TSPAN7: variants seen among roughly 807,000 people sequenced by gnomAD.
The protein encoded by TSPAN7 is tetraspanin 7.
A neutral mutation model predicts 17.6 loss-of-function variants in TSPAN7; 1 was observed. The observed-to-expected ratio is 0.06, with a 90% CI of 0.02 to 0.27. The LOEUF (loss-of-function observed/expected upper bound fraction) is 0.27. TSPAN7 is among the 10% of genes least tolerant of loss of function. The pLI, the probability that TSPAN7 is intolerant of heterozygous loss-of-function variation, is 1.00. For missense variants in TSPAN7, 112 were observed against 201.7 expected (o/e 0.56, Z 2.69); for synonymous variants, 78 against 79.0 (o/e 0.99, Z 0.07).
intron 1 of TSPAN7, among the ~76,000 whole-genome samples, chrX:38,653,985 C>T (rs924352483): frequency 2.7e-5 from 3 of 111,760 alleles, no homozygotes; most frequent in African/African-American, 9.8e-5. Flanking sequence ...GCCAAATTCT[C>T]AGGGTTGATT....
chrX:38,665,398 G>T (rs756445781), intron 1 of TSPAN7, among the ~76,000 whole-genome samples: 1 of 111,487 alleles, frequency 9.0e-6, no homozygotes, highest in East Asian at 2.8e-4. Context: ...GGCCTGCAGG[G>T]GGTGGGGTGT....
chrX:38,566,204 C>A, intron 1 of TSPAN7: 1 of 303,033 alleles, frequency 3.3e-6, no homozygotes, highest in Non-Finnish European at 5.0e-6. Context: ...AGGTAGGTAC[C>A]TCTTTATATA....
chrX:38,601,820 C>G lies in TSPAN7; in HGVS notation c.81+40193C>G, dbSNP rs746534788. On this transcript the variant is annotated intron_variant, in intron 1 of 7. Coordinates refer to ENST00000378482, the MANE Select transcript of TSPAN7 (RefSeq NM_004615.4). Reference sequence around the variant, plus strand: ...CCATCTCTGTTCCACATGGTGTCATCTAGCCCTCCTCATGCATTTGGACCT... The same window carrying G: ...CCATCTCTGTTCCACATGGTGTCATGTAGCCCTCCTCATGCATTTGGACCT... 1.9e-4 allele frequency among the ~76,000 whole-genome samples: 21 copies of G among 111,954 alleles called. 1 individual carries two copies. The Admixed American group carries it at 1.9e-3, about 10-fold the overall frequency.
intron 1 of TSPAN7, among the ~76,000 whole-genome samples, chrX:38,562,573 G>A (rs1286998994): frequency 9.4e-6 from 1 of 106,601 alleles, no homozygotes; most frequent in Non-Finnish European, 2.0e-5. Context: ...GGAGGAGGAG[G>A]GGGAGGAGGA....
At chrX:38,646,002 G>A (rs2069643515) in intron 1 of TSPAN7, among the ~76,000 whole-genome samples, 1 of 111,341 alleles carries the variant, frequency 9.0e-6, no homozygotes, top group African/African-American at 3.3e-5. Flanking sequence ...TGTTTTTTGG[G>A]TGCCTGCACA....
At chrX:38,565,118 C>A (rs1219944283) in intron 1 of TSPAN7, among the ~76,000 whole-genome samples, 2 of 112,177 alleles carry the variant, frequency 1.8e-5, no homozygotes, top group African/African-American at 6.5e-5. Flanking sequence ...GTAAATCTTT[C>A]TTCAGCACTT....
chrX:38,647,632 G>A (rs1376351832), intron 1 of TSPAN7, among the ~76,000 whole-genome samples: 2 of 112,258 alleles, frequency 1.8e-5, no homozygotes, highest in Non-Finnish European at 3.8e-5. Context: ...CATTTGTGAA[G>A]TTTCAAGACA....
At chrX:38,617,088 C>G (rs140427306) in intron 1 of TSPAN7, among the ~76,000 whole-genome samples, 1,123 of 111,735 alleles carry the variant, frequency 0.01, 14 homozygotes, top group African/African-American at 0.035. Flanking sequence ...CCACAGTGTC[C>G]GTGGCTGTGT....
At chrX:38,582,819 TTCTTGTG>T (rs1476959405) in intron 1 of TSPAN7, among the ~76,000 whole-genome samples, 1 of 111,930 alleles carries the variant, frequency 8.9e-6, no homozygotes, top group African/African-American at 3.3e-5. Context: ...CACAAATCTT[TTCTTGTG>T]TCTATTGTAT....
intron 1 of TSPAN7, among the ~76,000 whole-genome samples, chrX:38,606,236 C>G (rs1442478779): frequency 9.0e-6 from 1 of 110,939 alleles, no homozygotes; most frequent in African/African-American, 3.3e-5. Flanking sequence ...ACAACCCCAT[C>G]AAAAAGTGGG....
intron 1 of TSPAN7, among the ~76,000 whole-genome samples, chrX:38,665,862 T>G (rs1485473310): frequency 8.9e-6 from 1 of 112,086 alleles, no homozygotes; most frequent in Non-Finnish European, 1.9e-5. Context: ...AAGAAGTTCT[T>G]TATTGTTGGC....
chrX:38,619,140 T>C (rs988092005), intron 1 of TSPAN7, among the ~76,000 whole-genome samples: 1 of 111,178 alleles, frequency 9.0e-6, no homozygotes, highest in African/African-American at 3.3e-5. Flanking sequence ...GATAAGAGTG[T>C]CCAGGTGGTG....
chrX:38,612,224 G>A (rs1167429417), intron 1 of TSPAN7: 1 of 111,525 alleles, frequency 9.0e-6, no homozygotes, highest in Non-Finnish European at 1.9e-5. Flanking sequence ...GGTACTGAGC[G>A]CCCAGCAGGA....
chrX:38,584,663 G>A (rs1488172326), intron 1 of TSPAN7, among the ~76,000 whole-genome samples: 3 of 111,853 alleles, frequency 2.7e-5, no homozygotes, highest in Non-Finnish European at 3.8e-5. Flanking sequence ...GTAAAAGGCT[G>A]CAAAAATATT....
chrX:38,657,371 T>C (rs2069710753), intron 1 of TSPAN7, among the ~76,000 whole-genome samples: 1 of 111,840 alleles, frequency 8.9e-6, no homozygotes, highest in African/African-American at 3.3e-5. Context: ...TCAGATTCTG[T>C]TTTTAATTCT....
At chrX:38,567,601 A>AATTC (rs2069150126) in intron 1 of TSPAN7, among the ~76,000 whole-genome samples, 1 of 112,511 alleles carries the variant, frequency 8.9e-6, no homozygotes, top group Admixed American at 9.3e-5. Flanking sequence ...ACATCAATAC[A>AATTC]ATTCAGTCAT....
intron 1 of TSPAN7, among the ~76,000 whole-genome samples, chrX:38,582,518 C>T (rs1359202929): frequency 8.9e-6 from 1 of 111,858 alleles, no homozygotes; most frequent in East Asian, 2.8e-4. Context: ...CATTTGTAAC[C>T]ATGTCAATAT....
At chrX:38,606,333 ATTC>A (rs1215794922) in intron 1 of TSPAN7, among the ~76,000 whole-genome samples, 4 of 112,481 alleles carry the variant, frequency 3.6e-5, no homozygotes, top group South Asian at 7.3e-4. Context: ...AAAATATTAA[ATTC>A]TTAAGACATT....
At chrX:38,612,689 T>C (rs1187341995) in intron 1 of TSPAN7, 1 of 111,969 alleles carries the variant, frequency 8.9e-6, no homozygotes. Flanking sequence ...AGGCCTTGCA[T>C]ACCTGAAAAT....
Sources: gnomAD v4.1 joint callset for allele counts (sites outside exome capture counted in the v4.1 genomes callset) on GRCh38, gnomAD v4.1.1 for gene constraint, MANE v1.5 for transcripts, NCBI Gene and HGNC (gene_info 2026-07-23, HGNC 2026-07-21) for gene names.